Variants in OSMR observed in about 807,000 individuals in gnomAD.
OSMR encodes oncostatin-M-specific receptor subunit beta.
A neutral mutation model predicts 99.9 loss-of-function variants in OSMR; 81 were observed. The observed-to-expected ratio is 0.81, with a 90% CI of 0.68 to 0.97. The LOEUF (loss-of-function observed/expected upper bound fraction) is 0.97. OSMR is among the 50% of genes least tolerant of loss of function. The pLI, the probability that OSMR is intolerant of heterozygous loss-of-function variation, is 0.00. For missense variants in OSMR, 1,099 were observed against 1,153.4 expected (o/e 0.95, Z 0.68); for synonymous variants, 406 against 410.4 (o/e 0.99, Z 0.13).
intron 8 of OSMR, 143 bp from the exon 9 acceptor site, chr5:38,904,210 T>C: frequency 6.6e-7 from 1 of 1,526,656 alleles, no homozygotes; most frequent in Non-Finnish European, 8.8e-7. Flanking sequence ...CTTGAAGATT[T>C]TTTTCCCCCC....
intron 1 of OSMR, among the ~76,000 whole-genome samples, chr5:38,850,278 A>G (rs955081272): frequency 1.3e-5 from 2 of 152,324 alleles, no homozygotes; most frequent in Admixed American, 6.5e-5. Flanking sequence ...ATTTAAATTT[A>G]TGCTGCTAGT....
chr5:38,931,797 T>G, intron 15 of OSMR, 86 bp from the exon 16 acceptor site: 2 of 1,567,558 alleles, frequency 1.3e-6, no homozygotes, highest in Non-Finnish European at 1.7e-6. Context: ...ACATGTAAAA[T>G]TACTTTCAAT....
chr5:38,918,159 A>G (rs1279930210), intron 10 of OSMR, among the ~76,000 whole-genome samples: 1 of 150,748 alleles, frequency 6.6e-6, no homozygotes, highest in East Asian at 2.0e-4. Context: ...TTTCACCTTT[A>G]GTTTGGCACA....
At chr5:38,895,127 A>G (rs1744420485) in intron 7 of OSMR, among the ~76,000 whole-genome samples, 1 of 152,170 alleles carries the variant, frequency 6.6e-6, no homozygotes, top group Non-Finnish European at 1.5e-5. Context: ...ATAGTGCTAA[A>G]TGCCTGCATC....
At chr5:38,912,543 T>C (rs919521495) in intron 9 of OSMR, among the ~76,000 whole-genome samples, 5 of 152,130 alleles carry the variant, frequency 3.3e-5, no homozygotes, top group African/African-American at 1.2e-4. Flanking sequence ...AAACTATCAA[T>C]GTTATTTTTC....
chr5:38,855,571 C>T (rs989571572), intron 1 of OSMR, among the ~76,000 whole-genome samples: 2 of 152,132 alleles, frequency 1.3e-5, no homozygotes, highest in African/African-American at 4.8e-5. Flanking sequence ...TTTGTCACCA[C>T]CCCTGTCCTG....
chr5:38,943,866 G>A (rs962435731), intron 1 of OSMR, among the ~76,000 whole-genome samples: 6 of 152,054 alleles, frequency 3.9e-5, no homozygotes, highest in African/African-American at 7.2e-5. Flanking sequence ...ACCCTGAGGT[G>A]CATTTCTTTT....
At chr5:38,944,360 G>A in intron 2 of OSMR, 1 of 1,356,848 alleles carries the variant, frequency 7.4e-7, no homozygotes, top group Non-Finnish European at 1.0e-6. Context: ...AAGTTAACTA[G>A]CCTAACTTTT....
rs1579774683 is a variant in OSMR at position 38,913,167 on chromosome 5, A to G, written c.1286-4379A>G. Among the ~76,000 whole-genome samples, 3 of 152,188 alleles carry G rather than the reference A, an allele frequency of 2.0e-5. No homozygotes were observed. The East Asian group carries it at 5.8e-4, about 29-fold the overall frequency. ...CTACAGAATGTGAGAAACTATTTGTAAACTATGCACCTGACAAACACCTAA... is the reference window on the plus strand; with the variant it reads ...CTACAGAATGTGAGAAACTATTTGTGAACTATGCACCTGACAAACACCTAA... On this transcript the variant is annotated intron_variant, in intron 9 of 17. Transcript: ENST00000274276.
downstream of OSMR, chr5:38,935,662 A>G (rs886373089): frequency 1.6e-4 from 25 of 152,194 alleles, no homozygotes; most frequent in Non-Finnish European, 4.4e-5. Flanking sequence ...TATCTCCCTC[A>G]ATGAAATGAA....
rs1251070084 is a variant in OSMR, at chr5:38,928,904, C to G, written c.2213-2979C>G. On this transcript the variant is annotated intron_variant, in intron 15 of 17. Coordinates refer to ENST00000274276, the MANE Select transcript of OSMR (RefSeq NM_003999.3). ...CTTTGGAATTTACTTGGTATACACA[C>G]ACACACATGTGCACACACACACTTA... Among the ~76,000 whole-genome samples, 3 of 152,160 alleles carry G rather than the reference C, an allele frequency of 2.0e-5. 1 individual carries two copies. The South Asian group carries it at 6.2e-4, about 32-fold the overall frequency.
At chr5:38,868,441 G>A (rs1308105025) in intron 1 of OSMR, among the ~76,000 whole-genome samples, 4 of 152,156 alleles carry the variant, frequency 2.6e-5, no homozygotes, top group Non-Finnish European at 5.9e-5. Flanking sequence ...GTTGTGGGAG[G>A]GACCCAGGGG....
chr5:38,931,886 C>T lies in OSMR; in HGVS notation c.2216C>T (p.Ser739Leu), dbSNP rs367761870. The change falls in exon 16 of 18, where the codon TCG (serine) becomes TTG (leucine). Residue 739 changes from serine (S) to leucine (L), a missense_variant. Physicochemically the swap from Ser to Leu is moderately radical, Grantham distance 145. Transcript: ENST00000274276. ...CCCTTTCTTTTTCCTCGTTCAGCCTCGATGCTGATTCATATCCTACTGCCC... is the reference window on the plus strand; with the variant it reads ...CCCTTTCTTTTTCCTCGTTCAGCCTTGATGCTGATTCATATCCTACTGCCC... ...TKVTTPDEHS[S>L]MLIHILLPMV... is the part of the protein sequence containing the mutation. 3.7e-6 allele frequency: 6 copies of T among 1,612,974 alleles called. No individual in the cohort carries two copies. Among genetic ancestry groups the T allele is most frequent in the East Asian group, 4.5e-5 (2 of 44,862 alleles).
intron 16 of OSMR, 28 bp downstream of exon 16, chr5:38,931,992 AG>A: frequency 6.6e-7 from 1 of 1,515,546 alleles, no homozygotes. Flanking sequence ...GTTTTATCCA[AG>A]AAGAGAGTAA....
intron 7 of OSMR, among the ~76,000 whole-genome samples, chr5:38,895,897 T>C (rs1292568288): frequency 6.6e-6 from 1 of 152,072 alleles, no homozygotes; most frequent in Non-Finnish European, 1.5e-5. Context: ...GCACTATTTA[T>C]TGAAGAGACT....
chr5:38,888,211 A>G (rs1248553149), intron 7 of OSMR, among the ~76,000 whole-genome samples: 1 of 152,194 alleles, frequency 6.6e-6, no homozygotes, highest in Non-Finnish European at 1.5e-5. Context: ...TCATTCACAT[A>G]GCACAGGGAA....
intron 15 of OSMR, among the ~76,000 whole-genome samples, chr5:38,928,367 C>T (rs556457904): frequency 3.2e-4 from 48 of 152,194 alleles, no homozygotes; most frequent in Non-Finnish European, 5.9e-4. Context: ...AAGAACTGCC[C>T]GATACTGGGT....
At chr5:38,893,498 C>T (rs1744291618) in intron 7 of OSMR, among the ~76,000 whole-genome samples, 1 of 152,160 alleles carries the variant, frequency 6.6e-6, no homozygotes, top group African/African-American at 2.4e-5. Flanking sequence ...ATTAGAACTA[C>T]TGGGACTGAA....
chr5:38,906,353 T>G (rs902233233), intron 9 of OSMR, among the ~76,000 whole-genome samples: 1 of 152,192 alleles, frequency 6.6e-6, no homozygotes, highest in African/African-American at 2.4e-5. Context: ...AGGAATTTTT[T>G]ATTACTTCTG....
Sources: gnomAD v4.1 joint callset for allele counts (sites outside exome capture counted in the v4.1 genomes callset) on GRCh38, gnomAD v4.1.1 for gene constraint, MANE v1.5 for transcripts, NCBI Gene and HGNC (gene_info 2026-07-23, HGNC 2026-07-21) for gene names.